HECW1: variants seen among roughly 807,000 people sequenced by gnomAD.
HECW1 encodes the protein E3 ubiquitin-protein ligase HECW1.
In HECW1, 61 loss-of-function variants were observed where a neutral mutation model predicts 182.3. That is an observed-to-expected ratio of 0.33 (90% CI 0.27 to 0.41). The LOEUF (loss-of-function observed/expected upper bound fraction) is 0.41, where lower values mean the gene tolerates loss of function less well. Among genes scored for constraint, HECW1 ranks in the 10% least tolerant of loss-of-function variants. The pLI, the probability that HECW1 is intolerant of heterozygous loss-of-function variation, is 1.00. For missense variants in HECW1, 1,739 were observed against 2,108.9 expected, an observed-to-expected ratio of 0.82 and a Z score of 3.44; for synonymous variants, 859 against 832.6, an observed-to-expected ratio of 1.03 and a Z score of -0.55.
intron 2 of HECW1, among the ~76,000 whole-genome samples, chr7:43,206,941 G>A (rs918041817): frequency 3.3e-5 from 5 of 152,174 alleles, no homozygotes; most frequent in African/African-American, 4.8e-5. Context: ...TAGGATAGCC[G>A]TTGTATTTTC....
At chr7:43,286,023 A>G (rs2152751124) in intron 3 of HECW1, among the ~76,000 whole-genome samples, 2 of 152,334 alleles carry the variant, frequency 1.3e-5, no homozygotes, top group East Asian at 1.9e-4. Context: ...ATGGCTTGCA[A>G]AAAATCAGAG....
At chr7:43,130,187 A>G (rs1160872192) in intron 2 of HECW1, among the ~76,000 whole-genome samples, 2 of 152,116 alleles carry the variant, frequency 1.3e-5, no homozygotes, top group Non-Finnish European at 2.9e-5. Context: ...CTTCTCAGAG[A>G]TTTTTTGACA....
intron 2 of HECW1, among the ~76,000 whole-genome samples, chr7:43,179,481 G>A (rs1040538564): frequency 2.0e-5 from 3 of 152,124 alleles, no homozygotes; most frequent in Admixed American, 6.5e-5. Context: ...GTACCTGAAC[G>A]TCTTAACATG....
rs188917781 is a variant in HECW1 at position 43,438,047 on chromosome 7, G to A, written c.846G>A (p.Glu282=). 1.3e-3 allele frequency: 2,172 copies of A among 1,614,072 alleles called. 2 individuals are homozygous for A. Among genetic ancestry groups the A allele is most frequent in the Admixed American group, 3.7e-3 (221 of 60,020 alleles). ...VSLPTDVLEI[E]VKDKFAKSRP... Reference sequence around the variant, plus strand: ...TGCCCACTGACGTGCTGGAAATTGAGGTGAAGGACAAGTTTGCCAAGAGCC... The same window carrying A: ...TGCCCACTGACGTGCTGGAAATTGAAGTGAAGGACAAGTTTGCCAAGAGCC... Residue 282 remains glutamate, a synonymous_variant, in exon 9 of 30, where the codon GAG becomes GAA. Coordinates refer to ENST00000395891, the MANE Select transcript of HECW1 (RefSeq NM_015052.5).
chr7:43,116,044 T>C (rs1785019768), intron 2 of HECW1, among the ~76,000 whole-genome samples: 2 of 152,218 alleles, frequency 1.3e-5, no homozygotes, highest in South Asian at 4.2e-4. Context: ...CCTCTAATTG[T>C]ATAGGCAGGA....
rs1417032388 is a variant in HECW1, at chr7:43,130,897, A to ATACTTT, written c.-32+16506_-32+16507insTACTTT. On this transcript the variant is annotated intron_variant, in intron 2 of 29. Transcript: ENST00000395891. ...TAACTGGGTATACAATAATCTACTT[A>ATACTTT]GTACTTTGTGTATATGTATGTATCT... is the stretch of plus-strand genomic sequence containing the variant. Among the ~76,000 whole-genome samples, 4 of 152,166 alleles carry ATACTTT rather than the reference A, an allele frequency of 2.6e-5. No homozygotes were observed. In the East Asian group the frequency reaches 7.7e-4, roughly 29 times the overall value.
At chr7:43,350,386 C>T (rs900888470) in intron 5 of HECW1, among the ~76,000 whole-genome samples, 8 of 152,114 alleles carry the variant, frequency 5.3e-5, no homozygotes, top group African/African-American at 1.9e-4. Flanking sequence ...GTTCTTTGTG[C>T]TTCTTGTATT....
intron 7 of HECW1, among the ~76,000 whole-genome samples, chr7:43,401,314 C>G (rs2075397596): frequency 6.6e-6 from 1 of 152,108 alleles, no homozygotes; most frequent in Non-Finnish European, 1.5e-5. Flanking sequence ...GAGAGTCTCT[C>G]CCGGAAGGCA....
intron 29 of HECW1, among the ~76,000 whole-genome samples, chr7:43,559,299 A>G (rs2082132435): frequency 6.6e-6 from 1 of 152,170 alleles, no homozygotes; most frequent in Non-Finnish European, 1.5e-5. Flanking sequence ...CACAACTTAA[A>G]GACCCGTGCA....
intron 2 of HECW1, among the ~76,000 whole-genome samples, chr7:43,181,912 C>T (rs1233523589): frequency 1.3e-5 from 2 of 150,492 alleles, no homozygotes; most frequent in African/African-American, 5.0e-5. Context: ...CTCAGCCTCC[C>T]GAGTAGCTGG....
intron 13 of HECW1, 88 bp downstream of exon 13, chr7:43,456,535 A>G: frequency 7.7e-7 from 1 of 1,292,788 alleles, no homozygotes; most frequent in Non-Finnish European, 1.1e-6. Flanking sequence ...TTTTCTGCTC[A>G]GACTGTATGA....
chr7:43,307,634 G>T (rs1271505363), intron 3 of HECW1, among the ~76,000 whole-genome samples: 1 of 152,038 alleles, frequency 6.6e-6, no homozygotes, highest in African/African-American at 2.4e-5. Context: ...TGATTAAATT[G>T]CTTCTTCCAG....
chr7:43,122,168 C>G (rs1281457056), intron 2 of HECW1: 2 of 152,256 alleles, frequency 1.3e-5, no homozygotes, highest in African/African-American at 2.4e-5. Context: ...TTTCTAATAC[C>G]CTTGTTCTAT....
chr7:43,116,280 T>C (rs1785041352), intron 2 of HECW1, among the ~76,000 whole-genome samples: 1 of 152,224 alleles, frequency 6.6e-6, no homozygotes. Flanking sequence ...ATTTATCTGA[T>C]AACTGCTCTG....
At chr7:43,471,082 G>T (rs2078004826) in intron 16 of HECW1, among the ~76,000 whole-genome samples, 1 of 152,224 alleles carries the variant, frequency 6.6e-6, no homozygotes, top group Non-Finnish European at 1.5e-5. Context: ...ATGAAGGAAT[G>T]ATTATTAATA....
chr7:43,354,319 A>G (rs1814832258), intron 5 of HECW1, among the ~76,000 whole-genome samples: 1 of 152,178 alleles, frequency 6.6e-6, no homozygotes, highest in African/African-American at 2.4e-5. Context: ...CAAAGAAAGG[A>G]ACTAGTGATT....
At position 43,550,502 on chromosome 7, in the gene HECW1, A is replaced by G; in HGVS notation, c.4306A>G (p.Lys1436Glu). The G allele has an allele frequency of 6.2e-7, 1 of 1,614,160 alleles. No homozygotes were observed. Among genetic ancestry groups the G allele is most frequent in the Non-Finnish European group, 8.5e-7 (1 of 1,180,020 alleles). The change falls in exon 27 of 30, where the codon AAG (lysine) becomes GAG (glutamate). Residue 1436 changes from lysine to glutamate, a missense_variant. Lys to Glu is a moderately conservative substitution (Grantham distance 56, BLOSUM62 1). Around this residue, in one of 5 missense-constraint regions of HECW1, gnomAD observed 420 missense variants for 595.7 expected, o/e 0.71. Transcript: ENST00000395891. ...CAACACACAGGTGACGGAGAAAAAC[A>G]AGAAGGAGTACATCGAGCGCATGGT... ...GANTQVTEKN[K>E]KEYIERMVKW...
intron 2 of HECW1, among the ~76,000 whole-genome samples, chr7:43,238,663 T>C (rs1260897160): frequency 6.6e-6 from 1 of 152,084 alleles, no homozygotes; most frequent in African/African-American, 2.4e-5. Context: ...AGTGAAAAAA[T>C]GTATGAATGA....
At chr7:43,473,608 A>G (rs975067007) in intron 16 of HECW1, among the ~76,000 whole-genome samples, 20 of 152,178 alleles carry the variant, frequency 1.3e-4, no homozygotes. Flanking sequence ...GTCTGGATCA[A>G]CATCACCAGA....
Sources: gnomAD v4.1 joint callset for allele counts (sites outside exome capture counted in the v4.1 genomes callset) on GRCh38, gnomAD v4.1.1 for gene constraint, gnomAD v4.1.1 regional missense constraint, MANE v1.5 for transcripts, NCBI Gene and HGNC (gene_info 2026-07-23, HGNC 2026-07-21) for gene names.